The following SYCP2 variants were observed in gnomAD, a reference collection of about 807,000 sequenced individuals.
SYCP2 encodes synaptonemal complex lateral element protein.
Under a neutral mutation model 211.3 loss-of-function variants are expected in SYCP2, and 55 were observed. The observed-to-expected ratio is 0.26, with a 90% CI of 0.21 to 0.33. The LOEUF (loss-of-function observed/expected upper bound fraction) is 0.33, where lower values mean the gene tolerates loss of function less well. Ranked by LOEUF, SYCP2 falls within the 10% of genes least tolerant of loss-of-function variation. The probability of loss-of-function intolerance (pLI) is 1.00; values close to 1 mark genes in which losing one functional copy is unlikely to be tolerated. For synonymous variants in SYCP2, 570 were observed against 555.2 expected (o/e 1.03, Z -0.37); for missense variants, 1,731 against 1,752.0 (o/e 0.99, Z 0.21).
Position 59,875,439 on chromosome 20 carries a change from C to A in SYCP2, c.3181G>T (p.Val1061Leu), listed in dbSNP as rs765233921. Residue 1061 changes from valine (V) to leucine (L), a missense_variant, in exon 34 of 45, where the codon GTA becomes TTA. This residue lies in a region of SYCP2 where 1,387 missense variants were observed against 1,351.3 expected (regional missense o/e 1.03). Transcript: ENST00000357552. ...TTCTGTTGTTTCTTTGGTAGCTTTA[C>A]CGTTTTCATTCTGGAATGGATATTC... is the stretch of plus-strand genomic sequence containing the variant. The part of the protein sequence containing the change: ...EENIHSRMKT[V>L]KLPKKQQKVF... 5 of 1,611,792 alleles carry A rather than the reference C, an allele frequency of 3.1e-6. No individual in the cohort carries two copies. The highest frequency in any genetic ancestry group is 4.2e-6 in the Non-Finnish European group (5 of 1,178,912).
chr20:59,931,672 G>GA (rs534154483), intron 2 of SYCP2, among the ~76,000 whole-genome samples: 111 of 152,232 alleles, frequency 7.3e-4, no homozygotes, highest in African/African-American at 2.5e-3. Context: ...TTACAGCACA[G>GA]AAAAAAGTAC....
intron 12 of SYCP2, 82 bp downstream of exon 12, chr20:59,913,893 T>C (rs2145843778): frequency 1.0e-6 from 1 of 957,588 alleles, no homozygotes; most frequent in Non-Finnish European, 1.5e-6. Flanking sequence ...TAAAGTTAAA[T>C]GTATAAAGAT....
chr20:59,889,606 TA>T (rs2059864846), intron 24 of SYCP2, among the ~76,000 whole-genome samples: 1 of 152,060 alleles, frequency 6.6e-6, no homozygotes, highest in South Asian at 2.1e-4. Flanking sequence ...TAACCATTTT[TA>T]AGTCCATATG....
chr20:59,884,855 A>G (rs933918969), intron 26 of SYCP2, among the ~76,000 whole-genome samples: 3 of 152,128 alleles, frequency 2.0e-5, no homozygotes, highest in Admixed American at 6.6e-5. Flanking sequence ...GAAAAAACAG[A>G]AGAAAAAACC....
chr20:59,909,838 G>A (rs2060282535), intron 14 of SYCP2, among the ~76,000 whole-genome samples: 1 of 152,078 alleles, frequency 6.6e-6, no homozygotes, highest in Admixed American at 6.6e-5. Context: ...TACTATAAAG[G>A]AAATAAGACA....
intron 17 of SYCP2, 38 bp downstream of exon 17, chr20:59,900,706 T>C (rs749531413): frequency 6.6e-7 from 1 of 1,523,558 alleles, no homozygotes; most frequent in Admixed American, 1.7e-5. Flanking sequence ...TGGTTAAACT[T>C]AGCCCAGTGA....
chr20:59,892,126 T>C lies in SYCP2; in HGVS notation c.2228A>G (p.Tyr743Cys), dbSNP rs890148745. The C allele has an allele frequency of 1.9e-6, 3 of 1,612,138 alleles. No individual in the cohort carries two copies. The highest frequency in any genetic ancestry group is 2.5e-6 in the Non-Finnish European group (3 of 1,179,002). ...IEESLIYRKK[Y>C]ILSKDVNTAT... is the part of the protein sequence containing the mutation. Reference sequence around the variant, plus strand: ...AGTATTCACATCTTTTGACAATATGTATTTCTTCCTATATATCAGCGATTC... The same window carrying C: ...AGTATTCACATCTTTTGACAATATGCATTTCTTCCTATATATCAGCGATTC... Residue 743 changes from tyrosine (Y) to cysteine (C), a missense_variant, in exon 24 of 45, where the codon TAC (tyrosine) becomes TGC (cysteine). Around this residue, in one of 3 missense-constraint regions of SYCP2, gnomAD observed 1,387 missense variants for 1,351.3 expected, o/e 1.03. Transcript: ENST00000357552.
chr20:59,919,513 C>G lies in SYCP2; in HGVS notation c.382G>C (p.Asp128His), dbSNP rs1423854873. 4 of 1,599,986 alleles carry G rather than the reference C, an allele frequency of 2.5e-6. No individual in the cohort carries two copies. Among genetic ancestry groups the G allele is most frequent in the South Asian group, 1.1e-5 (1 of 90,150 alleles). The stretch of plus-strand genomic sequence containing the variant: ...TTTACCAGCAGAAGATCAACTAAGT[C>G]TTCTATCATATTTAGAACAGCTTCA... Reference protein sequence around the residue: ...KDEAVLNMIEDLVDLLLVIHD... With the variant: ...KDEAVLNMIEHLVDLLLVIHD... The change falls in exon 6 of 45, where the codon GAC becomes CAC. Residue 128 changes from aspartate (D) to histidine (H), a missense_variant. Coordinates refer to ENST00000357552, the MANE Select transcript of SYCP2 (RefSeq NM_014258.4).
chr20:59,918,011 G>A (rs1463984773), intron 7 of SYCP2, among the ~76,000 whole-genome samples: 1 of 152,104 alleles, frequency 6.6e-6, no homozygotes, highest in Non-Finnish European at 1.5e-5. Context: ...ATTCACTCTT[G>A]TCAGTTTACC....
intron 17 of SYCP2, 130 bp downstream of exon 17, chr20:59,900,614 T>C (rs1170491695): frequency 1.1e-5 from 7 of 641,180 alleles, no homozygotes; most frequent in Middle Eastern, 2.8e-4. Context: ...ATACATTTTA[T>C]TGGGGTACTG....
intron 14 of SYCP2, 117 bp from the exon 15 acceptor site, chr20:59,907,541 CTAGTT>C: frequency 1.4e-6 from 1 of 735,274 alleles, no homozygotes; most frequent in South Asian, 1.8e-5. Context: ...CACTAAGTAA[CTAGTT>C]TATATAACAC....
At chr20:59,922,483 C>CT in intron 2 of SYCP2, 24 bp from the exon 3 acceptor site, 1 of 1,146,022 alleles carries the variant, frequency 8.7e-7, no homozygotes, top group Non-Finnish European at 1.2e-6. Context: ...CATATATTTT[C>CT]TGTATCTCAC....
intron 1 of SYCP2, 86 bp downstream of exon 1, chr20:59,933,483 C>G (rs1420440864): frequency 6.6e-6 from 1 of 152,114 alleles, no homozygotes; most frequent in Non-Finnish European, 1.5e-5. Flanking sequence ...TTCTCGCCTG[C>G]CGGCTTGAAA....
At chr20:59,905,751 T>C (rs942459773) in intron 15 of SYCP2, among the ~76,000 whole-genome samples, 6 of 152,108 alleles carry the variant, frequency 3.9e-5, no homozygotes, top group African/African-American at 1.4e-4. Flanking sequence ...ACAAAAGACT[T>C]TTGGCTAACA....
intron 10 of SYCP2, among the ~76,000 whole-genome samples, chr20:59,914,496 T>C (rs1207198434): frequency 6.6e-6 from 1 of 152,004 alleles, no homozygotes; most frequent in Admixed American, 6.6e-5. Context: ...TTGAGACTTC[T>C]AAATATTCAA....
intron 35 of SYCP2, among the ~76,000 whole-genome samples, chr20:59,873,561 G>A (rs915707540): frequency 2.0e-5 from 3 of 152,138 alleles, no homozygotes; most frequent in South Asian, 2.1e-4. Flanking sequence ...TCAGACCACA[G>A]TTGACTGTAG....
chr20:59,870,066 G>T, intron 35 of SYCP2, 83 bp from the exon 36 acceptor site: 1 of 923,644 alleles, frequency 1.1e-6, no homozygotes. Context: ...TTGAACATAA[G>T]AAACATTAAA....
chr20:59,872,995 G>T (rs1278900002), intron 35 of SYCP2, among the ~76,000 whole-genome samples: 1 of 152,026 alleles, frequency 6.6e-6, no homozygotes, highest in Non-Finnish European at 1.5e-5. Flanking sequence ...ATATTGAAAA[G>T]AAATTCTTCA....
chr20:59,867,569 T>A, intron 39 of SYCP2, 142 bp downstream of exon 39: 1 of 585,300 alleles, frequency 1.7e-6, no homozygotes, highest in Non-Finnish European at 2.9e-6. Context: ...CAGATTTTAT[T>A]CCAATTATTC....
Sources: gnomAD v4.1 joint callset for allele counts (sites outside exome capture counted in the v4.1 genomes callset) on GRCh38, gnomAD v4.1.1 for gene constraint, gnomAD v4.1.1 regional missense constraint, MANE v1.5 for transcripts, NCBI Gene and HGNC (gene_info 2026-07-23, HGNC 2026-07-21) for gene names.